The following GNAL variants were observed in gnomAD, a reference collection of about 807,000 sequenced individuals.
GNAL encodes G protein subunit alpha L.
GNAL carries 18 observed loss-of-function variants against 55.1 expected under a neutral mutation model. The ratio of observed to expected loss-of-function variants is 0.33; its 90% CI spans 0.23 to 0.48. The LOEUF is 0.48. Ranked by LOEUF, GNAL falls within the 20% of genes least tolerant of loss-of-function variation. The pLI, the probability that GNAL is intolerant of heterozygous loss-of-function variation, is 0.99. For missense variants in GNAL, 412 were observed against 614.1 expected (o/e 0.67, Z 3.48); for synonymous variants, 253 against 237.0 (o/e 1.07, Z -0.62).
chr18:11,735,597 A>G (rs1467834699), intron 1 of GNAL, among the ~76,000 whole-genome samples: 2 of 151,916 alleles, frequency 1.3e-5, no homozygotes, highest in African/African-American at 4.8e-5. Context: ...CTAAAACTAT[A>G]AAAAGTTGGC....
intron 5 of GNAL, among the ~76,000 whole-genome samples, chr18:11,855,898 G>T (rs1017161455): frequency 6.6e-6 from 1 of 151,190 alleles, no homozygotes; most frequent in African/African-American, 2.5e-5. Context: ...CTTAAACCCG[G>T]GAGGTGGAGG....
At chr18:11,792,591 G>A (rs2034269311) in intron 4 of GNAL, among the ~76,000 whole-genome samples, 1 of 152,212 alleles carries the variant, frequency 6.6e-6, no homozygotes, top group Non-Finnish European at 1.5e-5. Context: ...CCTTGTCCTA[G>A]ACACATAATC....
At position 11,752,392 on chromosome 18, in the gene GNAL, C is replaced by A. The variant is rs201256935; in HGVS notation, c.377-461C>A. ...GTCTCCAACTCTCTATTGCTTTTTGCGCACATTCCTAACTTCCTGACGTCC... is the reference window on the plus strand; with the variant it reads ...GTCTCCAACTCTCTATTGCTTTTTGAGCACATTCCTAACTTCCTGACGTCC... On this transcript the variant is annotated intron_variant, in intron 1 of 11. Coordinates refer to ENST00000334049, the MANE Select transcript of GNAL (RefSeq NM_182978.4). The surrounding 1 kb of genome is among the most constrained non-coding windows in gnomAD (Gnocchi z 4.5). 1.1e-5 allele frequency: 18 copies of A among 1,574,518 alleles called. No homozygotes were observed. The East Asian group carries it at 4.1e-4, about 36-fold the overall frequency.
chr18:11,847,075 T>C (rs369513233), intron 5 of GNAL, among the ~76,000 whole-genome samples: 28 of 151,802 alleles, frequency 1.8e-4, no homozygotes, highest in Admixed American at 5.3e-4. Flanking sequence ...CTCAAAATGG[T>C]CACCAAGTGA....
chr18:11,753,673 T>C lies in GNAL; in HGVS notation c.495T>C (p.Asp165=). Residue 165 remains aspartate, a synonymous_variant, in exon 3 of 12, where the codon GAT becomes GAC. Coordinates refer to ENST00000334049, the MANE Select transcript of GNAL (RefSeq NM_182978.4). ...TGGACATCCGGAAAAATGTTAAAGATGCTATCGTGGTAAGGACTTTTTTAA... is the reference window on the plus strand; with the variant it reads ...TGGACATCCGGAAAAATGTTAAAGACGCTATCGTGGTAAGGACTTTTTTAA... ...KILDIRKNVK[D]AIVTIVSAMS... 1 of 1,597,790 alleles carries C rather than the reference T, an allele frequency of 6.3e-7. No homozygotes were observed. Among genetic ancestry groups the C allele is most frequent in the Non-Finnish European group, 8.6e-7 (1 of 1,165,180 alleles).
intron 1 of GNAL, among the ~76,000 whole-genome samples, chr18:11,722,503 T>G (rs915404387): frequency 6.6e-6 from 1 of 152,230 alleles, no homozygotes; most frequent in Non-Finnish European, 1.5e-5. Context: ...CACCCTTCAC[T>G]GTACCATAAA....
At chr18:11,796,621 C>G (rs920590455) in intron 4 of GNAL, among the ~76,000 whole-genome samples, 2 of 149,830 alleles carry the variant, frequency 1.3e-5, no homozygotes, top group Admixed American at 1.3e-4. Context: ...TTCCATTGTC[C>G]CATCCCCCAG....
Position 11,703,326 on chromosome 18 carries a change from C to A in GNAL, c.376+13387C>A, listed in dbSNP as rs1040487074. On this transcript the variant is annotated intron_variant, in intron 1 of 11. Coordinates refer to ENST00000334049, the MANE Select transcript of GNAL (RefSeq NM_182978.4). ...GCTTTAAGTCTGTTTAGTTGAAAAT[C>A]CATTTAGAATATGCTCTAATTGATA... is the stretch of plus-strand genomic sequence containing the variant. 4.6e-5 allele frequency among the ~76,000 whole-genome samples: 7 copies of A among 152,274 alleles called. No homozygotes were observed. The South Asian group carries it at 6.2e-4, about 14-fold the overall frequency.
intron 1 of GNAL, among the ~76,000 whole-genome samples, chr18:11,701,239 G>A (rs1333522352): frequency 1.3e-5 from 2 of 152,214 alleles, no homozygotes; most frequent in Non-Finnish European, 2.9e-5. Flanking sequence ...TATTTTATGA[G>A]TGGGGAGGTA....
chr18:11,693,778 A>G (rs1786562661), intron 1 of GNAL, among the ~76,000 whole-genome samples: 1 of 133,576 alleles, frequency 7.5e-6, no homozygotes, highest in Non-Finnish European at 1.5e-5. Flanking sequence ...ACACTTTAGG[A>G]TGCTGAGGTG....
intron 10 of GNAL, 150 bp downstream of exon 10, chr18:11,872,548 G>A: frequency 1.7e-6 from 1 of 575,134 alleles, no homozygotes; most frequent in Non-Finnish European, 3.0e-6. Flanking sequence ...TAAAGTATTA[G>A]AGTGTTACAA....
At chr18:11,856,488 C>G (rs1438138817) in intron 5 of GNAL, among the ~76,000 whole-genome samples, 1 of 151,298 alleles carries the variant, frequency 6.6e-6, no homozygotes, top group Non-Finnish European at 1.5e-5. Context: ...CGCACAGAGT[C>G]CCAAGTATGG....
chr18:11,846,874 G>GCCT (rs2035752446), intron 5 of GNAL, among the ~76,000 whole-genome samples: 1 of 152,060 alleles, frequency 6.6e-6, no homozygotes, highest in Non-Finnish European at 1.5e-5. Flanking sequence ...ATCACACCCA[G>GCCT]CCCTGGACAG....
intron 4 of GNAL, among the ~76,000 whole-genome samples, chr18:11,806,375 C>T (rs569225699): frequency 3.1e-4 from 47 of 152,248 alleles, no homozygotes; most frequent in Non-Finnish European, 5.7e-4. Context: ...TTTGTGTTTT[C>T]GTTGCATTTG....
intron 4 of GNAL, among the ~76,000 whole-genome samples, chr18:11,778,956 C>G (rs1194422759): frequency 3.9e-5 from 6 of 152,072 alleles, no homozygotes; most frequent in Non-Finnish European, 7.3e-5. Flanking sequence ...TTCTCCCACC[C>G]TGCTTCAACA....
At chr18:11,750,916 G>A (rs1438560995) in intron 1 of GNAL, among the ~76,000 whole-genome samples, 1 of 152,108 alleles carries the variant, frequency 6.6e-6, no homozygotes, top group African/African-American at 2.4e-5. Context: ...GTGGAGAGGG[G>A]AAGGTGCGCT....
At chr18:11,813,256 A>AAAAAAAAAG (rs983116086) in intron 4 of GNAL, among the ~76,000 whole-genome samples, 1 of 151,774 alleles carries the variant, frequency 6.6e-6, no homozygotes, top group Non-Finnish European at 1.5e-5. Context: ...CTCCATCTTA[A>AAAAAAAAAG]AAAAAAGAAA....
At position 11,831,918 on chromosome 18, in the gene GNAL, ATAAT is replaced by A. The variant is rs149183260; in HGVS notation, c.722+6906_722+6909del. ...CTGATGTGATTGCAGGACTGTGAGA[ATAAT>A]TATTATCACTGAGCCTTAAATACTG... On this transcript the variant is annotated intron_variant, in intron 5 of 11. Transcript: ENST00000334049. Among the ~76,000 whole-genome samples the A allele has an allele frequency of 9.1e-3, 1,390 of 152,330 alleles. 24 individuals are homozygous for A. Among genetic ancestry groups the A allele is most frequent in the African/African-American group, 0.032 (1,344 of 41,576 alleles).
In GNAL at chr18:11,881,910, T is replaced by A. The variant is rs959753639; in HGVS notation, c.*775T>A. ...ACTACTAAAGAAAAATCCTTGTAGA[T>A]CTTTGTGCCTTCACCATGGCTATCT... On this transcript the variant is annotated 3_prime_UTR_variant, in exon 12 of 12. Coordinates refer to ENST00000334049, the MANE Select transcript of GNAL (RefSeq NM_182978.4). The surrounding 1 kb of genome is among the most constrained non-coding windows in gnomAD (Gnocchi z 4.8). 2 of 152,664 alleles carry A rather than the reference T, an allele frequency of 1.3e-5. No homozygotes were observed. The highest frequency in any genetic ancestry group is 1.3e-4 in the Admixed American group (2 of 15,280). 9.5% of individuals were successfully genotyped at this position (152,664 alleles called of 1,614,324 possible).
Sources: gnomAD v4.1 joint callset for allele counts (sites outside exome capture counted in the v4.1 genomes callset) on GRCh38, gnomAD v4.1.1 for gene constraint, Gnocchi (gnomAD v3.1) non-coding constraint, MANE v1.5 for transcripts, NCBI Gene and HGNC (gene_info 2026-07-23, HGNC 2026-07-21) for gene names.